ZNF610: variants seen among roughly 807,000 people sequenced by gnomAD.
The protein encoded by ZNF610 is zink finger protein.
ZNF610 carries 14 observed loss-of-function variants against 14.1 expected under a neutral mutation model. That is an observed-to-expected ratio of 0.99 (90% CI 0.65 to 1.55). The LOEUF (loss-of-function observed/expected upper bound fraction) is 1.55, where lower values mean the gene tolerates loss of function less well. ZNF610 is among the 40% of genes most tolerant of loss of function. ZNF610 has a pLI of 0.00. For synonymous variants in ZNF610, 185 were observed against 187.6 expected (o/e 0.99, Z 0.11); for missense variants, 530 against 558.0 (o/e 0.95, Z 0.51).
At chr19:52,348,015 C>T (rs1985048109) in intron 2 of ZNF610, 71 bp downstream of exon 2, 2 of 152,064 alleles carry the variant, frequency 1.3e-5, no homozygotes, top group South Asian at 2.1e-4. Context: ...TTTTCTATGT[C>T]GAGACATGTT....
At chr19:52,344,638 T>A (rs1182191063) in intron 1 of ZNF610, among the ~76,000 whole-genome samples, 3 of 152,238 alleles carry the variant, frequency 2.0e-5, no homozygotes, top group Non-Finnish European at 4.4e-5. Context: ...CTACAGTAGT[T>A]GCTCCCTATC....
intron 1 of ZNF610, among the ~76,000 whole-genome samples, chr19:52,342,773 C>T (rs147352111): frequency 5.5e-4 from 83 of 152,218 alleles, no homozygotes; most frequent in African/African-American, 2.0e-3. Flanking sequence ...GATCCATCCA[C>T]CTTGGCCTCC....
intron 3 of ZNF610, among the ~76,000 whole-genome samples, chr19:52,350,776 G>A (rs924053174): frequency 1.3e-5 from 2 of 151,992 alleles, no homozygotes; most frequent in Middle Eastern, 3.4e-3. Context: ...CAAGGTGGGT[G>A]GATCACCTGA....
upstream of ZNF610, among the ~76,000 whole-genome samples, chr19:52,333,673 A>G (rs555265754): frequency 6.6e-6 from 1 of 152,246 alleles, no homozygotes; most frequent in Non-Finnish European, 1.5e-5. Flanking sequence ...TGAATTAGTT[A>G]AAGAGTAATT....
intron 1 of ZNF610, among the ~76,000 whole-genome samples, chr19:52,343,697 G>T (rs1984796572): frequency 6.6e-6 from 1 of 152,196 alleles, no homozygotes; most frequent in Admixed American, 6.5e-5. Flanking sequence ...AGACCCGCAA[G>T]AACAGGTCAT....
At chr19:52,342,483 T>G (rs2122183550) in intron 1 of ZNF610, among the ~76,000 whole-genome samples, 1 of 152,082 alleles carries the variant, frequency 6.6e-6, no homozygotes, top group East Asian at 1.9e-4. Flanking sequence ...TTTCTTGGCT[T>G]TGAAGAGATT....
In ZNF610 at chr19:52,367,044, G is replaced by T; in HGVS notation, c.*277G>T. 2.6e-6 allele frequency: 1 copy of T among 378,574 alleles called. No homozygotes were observed. Among genetic ancestry groups the T allele is most frequent in the Non-Finnish European group, 4.7e-6 (1 of 213,500 alleles). 23.5% of individuals were successfully genotyped at this position (378,574 alleles called of 1,614,324 possible). A position where few individuals can be genotyped will look rare whatever the true frequency, so the allele number is the denominator to read the frequency against. On this transcript the variant is annotated 3_prime_UTR_variant, in exon 6 of 6. Coordinates refer to ENST00000403906, the MANE Select transcript of ZNF610 (RefSeq NM_001161425.2). ...GAGTAGGATTCACATTTAACTGCTG[G>T]CACCGTAATTTGTAACTCTTTGATT...
Position 52,366,910 on chromosome 19 carries a change from G to A in ZNF610, c.*143G>A. ...ACTCATCTCTTGATCCACACTGAAA[G>A]GAAACCCTACAAATGTAAAGTTAAT... On this transcript the variant is annotated 3_prime_UTR_variant, in exon 6 of 6. Transcript: ENST00000403906. The A allele has an allele frequency of 3.2e-6, 2 of 622,066 alleles. No homozygotes were observed. The highest frequency in any genetic ancestry group is 2.8e-6 in the Non-Finnish European group (1 of 361,864). 38.5% of individuals were successfully genotyped at this position (622,066 alleles called of 1,614,324 possible).
At position 52,366,481 on chromosome 19, in the gene ZNF610, C is replaced by T. The variant is rs1567002; in HGVS notation, c.1103C>T (p.Thr368Ile). 493 of 1,613,954 alleles carry T rather than the reference C, an allele frequency of 3.1e-4. No homozygotes were observed. Among genetic ancestry groups the T allele is most frequent in the South Asian group, 7.4e-4 (67 of 91,074 alleles). The change falls in exon 6 of 6, where the codon ACA (threonine) becomes ATA (isoleucine). Residue 368 changes from threonine (T) to isoleucine (I), a missense_variant. Transcript: ENST00000403906. ...YLARHQIIHSTEKPYKCNECG... is the reference protein window; with the variant it reads ...YLARHQIIHSIEKPYKCNECG... ...GCACGGCATCAAATAATTCATAGTA[C>T]AGAGAAGCCCTACAAATGTAACGAA...
At chr19:52,334,044 A>G (rs1005798948), upstream of ZNF610, among the ~76,000 whole-genome samples, 1 of 152,254 alleles carries the variant, frequency 6.6e-6, no homozygotes, top group Admixed American at 6.5e-5. Flanking sequence ...TAAATTATGA[A>G]TAAGTTGATG....
At chr19:52,352,186 G>A (rs964614927) in intron 3 of ZNF610, among the ~76,000 whole-genome samples, 5 of 152,000 alleles carry the variant, frequency 3.3e-5, no homozygotes, top group Non-Finnish European at 5.9e-5. Flanking sequence ...GATGTTTCTT[G>A]TGTGTGTGTG....
chr19:52,345,100 C>G (rs1457684478), intron 1 of ZNF610: 1 of 152,174 alleles, frequency 6.6e-6, no homozygotes, highest in Non-Finnish European at 1.5e-5. Flanking sequence ...GCTATTTTGC[C>G]CAGGACTCGA....
At chr19:52,349,551 A>C (rs902280345) in intron 3 of ZNF610, among the ~76,000 whole-genome samples, 1 of 147,734 alleles carries the variant, frequency 6.8e-6, no homozygotes, top group African/African-American at 2.5e-5. Context: ...AGGATTAGAG[A>C]GGCTGCCAAT....
chr19:52,337,730 C>A (rs1027756653), intron 1 of ZNF610, among the ~76,000 whole-genome samples: 2 of 152,166 alleles, frequency 1.3e-5, no homozygotes, highest in African/African-American at 4.8e-5. Context: ...ATACTGATTT[C>A]TCTAATTGTA....
intron 5 of ZNF610, among the ~76,000 whole-genome samples, chr19:52,360,304 A>G (rs1327425912): frequency 6.6e-6 from 1 of 152,202 alleles, no homozygotes; most frequent in Non-Finnish European, 1.5e-5. Flanking sequence ...ACCCAACACT[A>G]TAACAGAAGA....
intron 5 of ZNF610, among the ~76,000 whole-genome samples, chr19:52,356,768 T>C (rs765713149): frequency 6.6e-6 from 1 of 152,230 alleles, no homozygotes; most frequent in Admixed American, 6.5e-5. Context: ...TGTTTTAAAA[T>C]TGTTGCCATC....
At chr19:52,342,731 T>A (rs983468342) in intron 1 of ZNF610, among the ~76,000 whole-genome samples, 9 of 152,082 alleles carry the variant, frequency 5.9e-5, no homozygotes, top group East Asian at 1.9e-4. Flanking sequence ...TTCACTGTGT[T>A]GGTCAGGCTG....
chr19:52,355,260 C>T (rs952804415), intron 5 of ZNF610, among the ~76,000 whole-genome samples: 43 of 152,260 alleles, frequency 2.8e-4, no homozygotes, highest in African/African-American at 1.0e-3. Context: ...ATAGACCTGC[C>T]CCCTTGACCT....
In ZNF610 at chr19:52,366,232, A is replaced by G; in HGVS notation, c.854A>G (p.Glu285Gly). 1 of 1,614,152 alleles carries G rather than the reference A, an allele frequency of 6.2e-7. No individual in the cohort carries two copies. Among genetic ancestry groups the G allele is most frequent in the Non-Finnish European group, 8.5e-7 (1 of 1,180,014 alleles). Reference protein sequence around the residue: ...LARHQRIHTGEKPHKCNECGK... With the variant: ...LARHQRIHTGGKPHKCNECGK... Reference sequence around the variant, plus strand: ...CGACATCAAAGAATTCATACTGGAGAGAAGCCTCACAAATGTAACGAATGT... The same window carrying G: ...CGACATCAAAGAATTCATACTGGAGGGAAGCCTCACAAATGTAACGAATGT... Residue 285 changes from glutamate (E) to glycine (G), a missense_variant, in exon 6 of 6, where the codon GAG (glutamate) becomes GGG (glycine). Physicochemically the swap from Glu to Gly is moderately conservative, Grantham distance 98. Coordinates refer to ENST00000403906, the MANE Select transcript of ZNF610 (RefSeq NM_001161425.2).
Sources: gnomAD v4.1 joint callset for allele counts (sites outside exome capture counted in the v4.1 genomes callset) on GRCh38, gnomAD v4.1.1 for gene constraint, MANE v1.5 for transcripts, NCBI Gene and HGNC (gene_info 2026-07-23, HGNC 2026-07-21) for gene names.